The following THADA variants were observed in gnomAD, a reference collection of about 807,000 sequenced individuals.
THADA encodes the protein THADA armadillo repeat containing.
A neutral mutation model predicts 219.8 loss-of-function variants in THADA; 213 were observed. The observed-to-expected ratio is 0.97, with a 90% CI of 0.87 to 1.09. THADA has a LOEUF of 1.09. THADA is among the 50% of genes least tolerant of loss of function. The pLI is 0.00. For missense variants in THADA, 2,956 were observed against 2,311.3 expected, an observed-to-expected ratio of 1.28 and a Z score of -5.72; for synonymous variants, 1,018 against 828.9, an observed-to-expected ratio of 1.23 and a Z score of -3.92.
At position 43,293,000 on chromosome 2, in the gene THADA, G is replaced by C. The variant is rs1674920852; in HGVS notation, c.4652C>G (p.Ser1551Cys). 1 of 1,613,878 alleles carries C rather than the reference G, an allele frequency of 6.2e-7. No individual in the cohort carries two copies. Among genetic ancestry groups the C allele is most frequent in the Admixed American group, 1.7e-5 (1 of 60,002 alleles). The change falls in exon 32 of 38, where the codon TCT becomes TGT. Residue 1551 changes from serine to cysteine, a missense_variant. Ser to Cys is a moderately radical substitution (Grantham distance 112, BLOSUM62 -1). Transcript: ENST00000405975. ...VPISFSQLLE[S>C]AFPEVRSLTL... ...TAGTGAGCGCACTTCAGGGAAGGCA[G>C]ATTCTAACAGCTGAGAGAAAGAGAT...
intron 36 of THADA, among the ~76,000 whole-genome samples, chr2:43,278,694 G>A (rs1485481676): frequency 6.6e-6 from 1 of 152,178 alleles, no homozygotes; most frequent in Non-Finnish European, 1.5e-5. Context: ...CACATAGGCA[G>A]AGAAGTGTAC....
intron 28 of THADA, among the ~76,000 whole-genome samples, chr2:43,426,795 C>T (rs970550224): frequency 2.6e-5 from 4 of 152,176 alleles, no homozygotes; most frequent in African/African-American, 7.2e-5. Flanking sequence ...TGGTTTCTTA[C>T]CCTTCTGCTC....
chr2:43,334,762 G>A (rs929034674), intron 30 of THADA, among the ~76,000 whole-genome samples: 7 of 151,396 alleles, frequency 4.6e-5, no homozygotes, highest in Admixed American at 1.3e-4. Flanking sequence ...GCGACAGAGC[G>A]AGACTCCGTC....
chr2:43,532,452 C>T (rs1351151314), intron 21 of THADA, among the ~76,000 whole-genome samples: 4 of 145,666 alleles, frequency 2.7e-5, no homozygotes, highest in Non-Finnish European at 6.0e-5. Flanking sequence ...TCAACATACA[C>T]AAATCAATAA....
At chr2:43,276,789 C>T (rs746573928) in intron 36 of THADA, among the ~76,000 whole-genome samples, 1 of 152,176 alleles carries the variant, frequency 6.6e-6, no homozygotes, top group Non-Finnish European at 1.5e-5. Flanking sequence ...CCTCTGAGTG[C>T]CTTTCCCGAT....
At chr2:43,592,551 T>C (rs753990910) in intron 1 of THADA, 135 bp from the exon 2 acceptor site, 2 of 504,206 alleles carry the variant, frequency 4.0e-6, no homozygotes, top group Non-Finnish European at 6.9e-6. Context: ...CTCTACCCAC[T>C]AGATGCCAGT....
At chr2:43,428,463 G>A (rs188756302) in intron 27 of THADA, among the ~76,000 whole-genome samples, 4 of 152,266 alleles carry the variant, frequency 2.6e-5, no homozygotes, top group East Asian at 1.9e-4. Flanking sequence ...AAAACTAGCC[G>A]ATGTGGTGGC....
chr2:43,561,690 A>T (rs1698081266), intron 15 of THADA, among the ~76,000 whole-genome samples: 2 of 152,228 alleles, frequency 1.3e-5, no homozygotes, highest in African/African-American at 4.8e-5. Flanking sequence ...TACTTCCTTA[A>T]CAACTCTGCT....
intron 28 of THADA, among the ~76,000 whole-genome samples, chr2:43,414,042 G>C (rs1318225308): frequency 6.6e-6 from 1 of 152,176 alleles, no homozygotes; most frequent in Non-Finnish European, 1.5e-5. Context: ...CAATGTAAAT[G>C]TTATGTAAGT....
At position 43,570,403 on chromosome 2, in the gene THADA, A is replaced by T. The variant is rs745608184; in HGVS notation, c.2172T>A (p.Ser724=). 1 of 1,612,034 alleles carries T rather than the reference A, an allele frequency of 6.2e-7. No individual in the cohort carries two copies. Among genetic ancestry groups the T allele is most frequent in the Non-Finnish European group, 8.5e-7 (1 of 1,179,290 alleles). The change falls in exon 14 of 38, where the codon TCT becomes TCA. Residue 724 remains serine, a synonymous_variant. Coordinates refer to ENST00000405975, the MANE Select transcript of THADA (RefSeq NM_022065.5). ...NELTKQHPSV[S]LQQYKNFMSS... Reference sequence around the variant, plus strand: ...TATCACCTACCTTATACTGCTGTAAAGAAACAGAAGGGTGCTGTTTGGTTA... The same window carrying T: ...TATCACCTACCTTATACTGCTGTAATGAAACAGAAGGGTGCTGTTTGGTTA...
At chr2:43,397,443 A>C (rs1358539383) in intron 29 of THADA, among the ~76,000 whole-genome samples, 6 of 152,164 alleles carry the variant, frequency 3.9e-5, no homozygotes, top group Non-Finnish European at 7.3e-5. Flanking sequence ...TTAGGTTAAA[A>C]ACAATAAACT....
chr2:43,576,777 C>T (rs528004833), intron 10 of THADA, among the ~76,000 whole-genome samples: 61 of 152,280 alleles, frequency 4.0e-4, no homozygotes, highest in Middle Eastern at 6.8e-3. Context: ...ACCTCAGCCT[C>T]CCACGTAGCT....
chr2:43,499,591 G>A (rs888638964), intron 24 of THADA, among the ~76,000 whole-genome samples: 1 of 152,054 alleles, frequency 6.6e-6, no homozygotes, highest in African/African-American at 2.4e-5. Context: ...TGGCCAGGCT[G>A]GTCTTGAACT....
chr2:43,321,488 T>G (rs1678708593), intron 30 of THADA, among the ~76,000 whole-genome samples: 2 of 152,218 alleles, frequency 1.3e-5, no homozygotes, highest in African/African-American at 2.4e-5. Context: ...GATTGGGTCA[T>G]GAGGGTACTG....
intron 30 of THADA, among the ~76,000 whole-genome samples, chr2:43,323,196 C>A (rs1176583130): frequency 6.6e-6 from 1 of 152,028 alleles, no homozygotes; most frequent in East Asian, 1.9e-4. Context: ...GGCTGAAGTG[C>A]AGTGGCATGA....
intron 15 of THADA, among the ~76,000 whole-genome samples, chr2:43,561,515 C>A (rs577983104): frequency 6.6e-5 from 10 of 152,098 alleles, no homozygotes; most frequent in Non-Finnish European, 1.3e-4. Context: ...ATGTGAAGAA[C>A]ATTTAAAAAC....
At chr2:43,511,347 G>A (rs534217391) in intron 22 of THADA, among the ~76,000 whole-genome samples, 1 of 152,240 alleles carries the variant, frequency 6.6e-6, no homozygotes, top group African/African-American at 2.4e-5. Flanking sequence ...CCTCCCCTGG[G>A]CCTCCCTGAG....
Position 43,275,298 on chromosome 2 carries a change from C to T in THADA, c.5296+4467G>A, listed in dbSNP as rs78115746. Among the ~76,000 whole-genome samples the T allele has an allele frequency of 7.2e-3, 1,103 of 152,312 alleles. 9 individuals are homozygous for T. Among genetic ancestry groups the T allele is most frequent in the Middle Eastern group, 0.024 (7 of 294 alleles). On this transcript the variant is annotated intron_variant, in intron 36 of 37. Coordinates refer to ENST00000405975, the MANE Select transcript of THADA (RefSeq NM_022065.5). ...GGGATTAGATGCGTGAGCCACCGCA[C>T]CTGGCCAGAAACTGTTTTCTGAGCC...
intron 20 of THADA, among the ~76,000 whole-genome samples, chr2:43,547,471 G>A (rs899736079): frequency 2.0e-5 from 3 of 152,138 alleles, no homozygotes; most frequent in African/African-American, 7.2e-5. Flanking sequence ...TTTCCAACTT[G>A]GTTCCATTCT....
Sources: gnomAD v4.1 joint callset for allele counts (sites outside exome capture counted in the v4.1 genomes callset) on GRCh38, gnomAD v4.1.1 for gene constraint, MANE v1.5 for transcripts, NCBI Gene and HGNC (gene_info 2026-07-23, HGNC 2026-07-21) for gene names.